Variants in CDH6 observed in about 807,000 individuals in gnomAD.
CDH6 encodes the protein cadherin-6.
In CDH6, 31 loss-of-function variants were observed where a neutral mutation model predicts 78.0. The ratio of observed to expected loss-of-function variants is 0.40; its 90% confidence interval spans 0.30 to 0.54. CDH6 has a LOEUF of 0.54. CDH6 is among the 20% of genes least tolerant of loss of function. The pLI, the probability that CDH6 is intolerant of heterozygous loss-of-function variation, is 0.56. For synonymous variants in CDH6, 376 were observed against 368.8 expected, an observed-to-expected ratio of 1.02 and a Z score of -0.23; for missense variants, 724 against 975.9, an observed-to-expected ratio of 0.74 and a Z score of 3.44.
rs1284666716 is a variant in CDH6, at chr5:31,326,266, T to C, written c.*2958T>C. On this transcript the variant is annotated 3_prime_UTR_variant, in exon 12 of 12. Transcript: ENST00000265071. The stretch of plus-strand genomic sequence containing the variant: ...GGACATTGAGAGCTTTCTGATGATA[T>C]GTTTTTGCCCTCTATTCAAAAGCAA... 3 of 221,206 alleles carry C rather than the reference T, an allele frequency of 1.4e-5. No individual in the cohort carries two copies. Among genetic ancestry groups the C allele is most frequent in the Non-Finnish European group, 2.7e-5 (3 of 110,616 alleles). 13.7% of individuals were successfully genotyped at this position (221,206 alleles called of 1,614,324 possible). A position where few individuals can be genotyped will look rare whatever the true frequency, so the allele number is the denominator to read the frequency against.
chr5:31,273,240 ATTT>A (rs917659112), intron 2 of CDH6, among the ~76,000 whole-genome samples: 1 of 151,576 alleles, frequency 6.6e-6, no homozygotes, highest in East Asian at 1.9e-4. Context: ...TCTTACACTA[ATTT>A]TTTTTTCCTA....
chr5:31,316,092 C>T, intron 8 of CDH6, 116 bp from the exon 9 acceptor site: 1 of 1,122,272 alleles, frequency 8.9e-7, no homozygotes, highest in Admixed American at 2.6e-5. Context: ...CCCAGTAGTA[C>T]AGCAGCTTGG....
In CDH6 at chr5:31,320,589, A is replaced by G. The variant is rs577502993; in HGVS notation, c.1883-2229A>G. 5.5e-4 allele frequency among the ~76,000 whole-genome samples: 84 copies of G among 152,266 alleles called. 1 individual carries two copies. The highest frequency in any genetic ancestry group is 9.3e-4 in the Non-Finnish European group (63 of 68,014). On this transcript the variant is annotated intron_variant, in intron 11 of 11. Transcript: ENST00000265071. ...GTCATTGTTCACACTGGCAACCAGT[A>G]TGAAAGGTAGATCATGAGCATCCCT... is the stretch of plus-strand genomic sequence containing the variant.
At chr5:31,266,322 AC>A (rs1282818181) in intron 1 of CDH6, among the ~76,000 whole-genome samples, 1 of 152,084 alleles carries the variant, frequency 6.6e-6, no homozygotes, top group African/African-American at 2.4e-5. Flanking sequence ...ATAATAGCTG[AC>A]TTTTTTGTTA....
chr5:31,313,267 G>A, intron 7 of CDH6, 51 bp from the exon 8 acceptor site: 1 of 1,519,094 alleles, frequency 6.6e-7, no homozygotes, highest in South Asian at 1.2e-5. Flanking sequence ...TATGATGTGA[G>A]AATAGGAAAT....
chr5:31,194,115 G>T (rs957969608), intron 1 of CDH6, among the ~76,000 whole-genome samples: 3 of 152,028 alleles, frequency 2.0e-5, no homozygotes, highest in African/African-American at 7.2e-5. Flanking sequence ...TTCCCGGGGA[G>T]CCTGGGCACC....
intron 8 of CDH6, among the ~76,000 whole-genome samples, chr5:31,314,003 G>T (rs1716247803): frequency 6.6e-6 from 1 of 152,070 alleles, no homozygotes; most frequent in Non-Finnish European, 1.5e-5. Flanking sequence ...TGATTAGAAT[G>T]AATTTTATGG....
chr5:31,223,471 T>A (rs1741057299), intron 1 of CDH6, among the ~76,000 whole-genome samples: 1 of 152,212 alleles, frequency 6.6e-6, no homozygotes, highest in South Asian at 2.1e-4. Flanking sequence ...AATGTGGAAC[T>A]TAGGAGTTTT....
chr5:31,224,244 T>C, intron 1 of CDH6, among the ~76,000 whole-genome samples: 1 of 152,136 alleles, frequency 6.6e-6, no homozygotes, highest in East Asian at 1.9e-4. Context: ...AACTCCTCTT[T>C]ATAAAACCAT....
At position 31,323,485 on chromosome 5, in the gene CDH6, CA is replaced by C. The variant is rs1231869654; in HGVS notation, c.*179del. On this transcript the variant is annotated 3_prime_UTR_variant, in exon 12 of 12. Coordinates refer to ENST00000265071, the MANE Select transcript of CDH6 (RefSeq NM_004932.4). ...TTTCTAGTACACTTTTATGAGCTTCCAAGGGGCAAATTTTTATTTTTTAGTG... is the reference window on the plus strand; with the variant it reads ...TTTCTAGTACACTTTTATGAGCTTCCAGGGGCAAATTTTTATTTTTTAGTG... The C allele has an allele frequency of 5.8e-6, 4 of 685,470 alleles. No homozygotes were observed. Among genetic ancestry groups the C allele is most frequent in the Middle Eastern group, 4.2e-4 (1 of 2,364 alleles). 42.5% of individuals were successfully genotyped at this position (685,470 alleles called of 1,614,324 possible).
chr5:31,202,080 C>A lies in CDH6; in HGVS notation c.-129+8194C>A, dbSNP rs149901545. Among the ~76,000 whole-genome samples, 9 of 148,166 alleles carry A rather than the reference C, an allele frequency of 6.1e-5. No homozygotes were observed. The Admixed American group carries it at 6.2e-4, about 10-fold the overall frequency. On this transcript the variant is annotated intron_variant, in intron 1 of 11. Coordinates refer to ENST00000265071, the MANE Select transcript of CDH6 (RefSeq NM_004932.4). ...TATAAGCCGGAACAAACACAGCCCA[C>A]CTTAACCATATAAATTATAAAATCA...
In CDH6 at chr5:31,225,457, A is replaced by G. The variant is rs537956011; in HGVS notation, c.-129+31571A>G. On this transcript the variant is annotated intron_variant, in intron 1 of 11. Coordinates refer to ENST00000265071, the MANE Select transcript of CDH6 (RefSeq NM_004932.4). Reference sequence around the variant, plus strand: ...GAACTACTGAGACTGGGTAATTTATAAAGAAAAGAGGTTTAATTGGCTCAC... The same window carrying G: ...GAACTACTGAGACTGGGTAATTTATGAAGAAAAGAGGTTTAATTGGCTCAC... Among the ~76,000 whole-genome samples, 4 of 152,290 alleles carry G rather than the reference A, an allele frequency of 2.6e-5. No individual in the cohort carries two copies. The South Asian group carries it at 8.3e-4, about 32-fold the overall frequency.
intron 1 of CDH6, among the ~76,000 whole-genome samples, chr5:31,206,594 C>T (rs6875836): frequency 0.92 from 139,551 of 152,252 alleles, 64,104 homozygotes; most frequent in East Asian, 1. Flanking sequence ...TAATGTTTAC[C>T]GAGGGCCCCT....
intron 1 of CDH6, among the ~76,000 whole-genome samples, chr5:31,239,336 G>A (rs991163385): frequency 6.6e-6 from 1 of 152,108 alleles, no homozygotes; most frequent in Non-Finnish European, 1.5e-5. Context: ...GGATTTCTTG[G>A]CTTCAAGTTC....
chr5:31,313,578 G>GC, intron 8 of CDH6, 124 bp downstream of exon 8: 3 of 896,136 alleles, frequency 3.3e-6, no homozygotes, highest in Non-Finnish European at 5.0e-6. Context: ...GAGGGAAAAA[G>GC]CCCTGGAGTG....
At chr5:31,283,080 C>T (rs1461477244) in intron 2 of CDH6, among the ~76,000 whole-genome samples, 3 of 152,178 alleles carry the variant, frequency 2.0e-5, no homozygotes, top group African/African-American at 7.2e-5. Context: ...TCTCAATTTT[C>T]TGACCCCAGG....
intron 1 of CDH6, among the ~76,000 whole-genome samples, chr5:31,220,423 G>C (rs1409946155): frequency 6.6e-6 from 1 of 152,156 alleles, no homozygotes; most frequent in Non-Finnish European, 1.5e-5. Context: ...CTTAGAGTTA[G>C]TGTGAGTTAT....
Position 31,325,433 on chromosome 5 carries a change from A to T in CDH6, c.*2125A>T, listed in dbSNP as rs2149963420. ...TCATAGTCACAGGTAAGTGTTGAAA[A>T]AAGCTTAGTAAAGTTAGAAGCTACT... On this transcript the variant is annotated 3_prime_UTR_variant, in exon 12 of 12. Coordinates refer to ENST00000265071, the MANE Select transcript of CDH6 (RefSeq NM_004932.4). 1 of 232,418 alleles carries T rather than the reference A, an allele frequency of 4.3e-6. No individual in the cohort carries two copies. The highest frequency in any genetic ancestry group is 1.8e-4 in the South Asian group (1 of 5,520). 14.4% of individuals were successfully genotyped at this position (232,418 alleles called of 1,614,324 possible).
At chr5:31,313,488 T>C (rs1451570462) in intron 8 of CDH6, 34 bp downstream of exon 8, 2 of 1,585,138 alleles carry the variant, frequency 1.3e-6, no homozygotes, top group Non-Finnish European at 1.7e-6. Context: ...CTGTCCCCTA[T>C]TAATAGACTG....
Sources: gnomAD v4.1 joint callset for allele counts (sites outside exome capture counted in the v4.1 genomes callset) on GRCh38, gnomAD v4.1.1 for gene constraint, MANE v1.5 for transcripts, NCBI Gene and HGNC (gene_info 2026-07-23, HGNC 2026-07-21) for gene names.